Variants in TPTE2 observed in about 807,000 individuals in gnomAD.
The protein encoded by TPTE2 is transmembrane phosphoinositide 3-phosphatase and tensin homolog 2, also known as phosphatidylinositol 3,4,5-trisphosphate 3-phosphatase TPTE2.
Under a neutral mutation model 78.6 loss-of-function variants are expected in TPTE2, and 53 were observed. That is an observed-to-expected ratio of 0.67 (90% CI 0.54 to 0.85). The LOEUF (loss-of-function observed/expected upper bound fraction) is 0.85, where lower values mean the gene tolerates loss of function less well. Among genes scored for constraint, TPTE2 ranks in the 40% least tolerant of loss-of-function variants. The pLI, the probability that TPTE2 is intolerant of heterozygous loss-of-function variation, is 0.00. For synonymous variants in TPTE2, 175 were observed against 206.2 expected, an observed-to-expected ratio of 0.85 and a Z score of 1.30; for missense variants, 461 against 623.0, an observed-to-expected ratio of 0.74 and a Z score of 2.77.
At chr13:19,436,289 A>G in exon 15 of TPTE2, 3 of 1,613,234 alleles carry the variant, frequency 1.9e-6, no homozygotes, top group Non-Finnish European at 2.5e-6. Flanking sequence ...GCCTTTCTCC[A>G]AAATAATATA....
intron 1 of TPTE2, among the ~76,000 whole-genome samples, chr13:19,532,455 T>TC (rs1474246901): frequency 6.6e-6 from 1 of 152,154 alleles, no homozygotes; most frequent in Non-Finnish European, 1.5e-5. Context: ...GATGCAACAG[T>TC]CAAGATGCCA....
chr13:19,498,567 G>T (rs1299774775), intron 1 of TPTE2, among the ~76,000 whole-genome samples: 1 of 151,674 alleles, frequency 6.6e-6, no homozygotes, highest in Non-Finnish European at 1.5e-5. Context: ...AAGCGAAGGA[G>T]AAATAAAATA....
chr13:19,543,698 C>A, the TPTE2 span, among the ~76,000 whole-genome samples: 1 of 151,946 alleles, frequency 6.6e-6, no homozygotes, highest in African/African-American at 2.4e-5. Flanking sequence ...ATCAAGAATA[C>A]TATACAAATT....
chr13:19,460,612 T>C (rs1348389522), intron 10 of TPTE2, among the ~76,000 whole-genome samples: 1 of 152,126 alleles, frequency 6.6e-6, no homozygotes, highest in Non-Finnish European at 1.5e-5. Context: ...TCTCTAGTCA[T>C]GGGATGATGA....
chr13:19,496,407 G>A (rs567735763), intron 1 of TPTE2, among the ~76,000 whole-genome samples: 1 of 152,306 alleles, frequency 6.6e-6, no homozygotes, highest in South Asian at 2.1e-4. Context: ...ACTCTACTGT[G>A]TAGGCATTCC....
chr13:19,460,489 G>T (rs1025998208), intron 10 of TPTE2, among the ~76,000 whole-genome samples: 1 of 152,198 alleles, frequency 6.6e-6, no homozygotes, highest in Admixed American at 6.5e-5. Flanking sequence ...GACTGCAGCT[G>T]CTTCTAATTG....
intron 3 of TPTE2, among the ~76,000 whole-genome samples, chr13:19,492,020 C>T (rs1288919265): frequency 6.6e-6 from 1 of 152,128 alleles, no homozygotes; most frequent in Non-Finnish European, 1.5e-5. Flanking sequence ...AAACACAATC[C>T]TTTTATTCCT....
chr13:19,493,685 A>T, intron 1 of TPTE2, 184 bp from the exon 5 acceptor site: 1 of 667,010 alleles, frequency 1.5e-6, no homozygotes, highest in South Asian at 1.6e-5. Context: ...TATGACGACA[A>T]CCAAAATCTT....
At chr13:19,521,627 T>C (rs1161289083) in intron 1 of TPTE2, among the ~76,000 whole-genome samples, 1 of 152,084 alleles carries the variant, frequency 6.6e-6, no homozygotes, top group Non-Finnish European at 1.5e-5. Flanking sequence ...TTTTTATTTC[T>C]TTGTCATTTC....
At chr13:19,430,202 C>A (rs1593345115) in intron 17 of TPTE2, among the ~76,000 whole-genome samples, 1 of 152,198 alleles carries the variant, frequency 6.6e-6, no homozygotes. Flanking sequence ...TGGGAACATG[C>A]TCAGCATTTG....
chr13:19,545,458 T>G, the TPTE2 span, among the ~76,000 whole-genome samples: 1 of 152,192 alleles, frequency 6.6e-6, no homozygotes, highest in Non-Finnish European at 1.5e-5. Flanking sequence ...AGTTGTTGGA[T>G]TTATAAGAGA....
chr13:19,504,460 G>A (rs993666885), upstream of TPTE2, among the ~76,000 whole-genome samples: 3 of 151,968 alleles, frequency 2.0e-5, no homozygotes, highest in Non-Finnish European at 4.4e-5. Context: ...TAGAGCTCTG[G>A]GTGTGAGGAA....
At chr13:19,531,618 TA>T (rs1424823485) in intron 1 of TPTE2, among the ~76,000 whole-genome samples, 3 of 126,440 alleles carry the variant, frequency 2.4e-5, no homozygotes, top group Non-Finnish European at 5.2e-5. Context: ...ACATAACAAT[TA>T]GGTATTTAGT....
intron 1 of TPTE2, among the ~76,000 whole-genome samples, chr13:19,533,468 T>C (rs2137751167): frequency 6.6e-6 from 1 of 152,370 alleles, no homozygotes; most frequent in East Asian, 1.9e-4. Context: ...GAAGGTTATG[T>C]TAACTAAATC....
chr13:19,488,582 A>T (rs2137628991), intron 3 of TPTE2, among the ~76,000 whole-genome samples: 1 of 152,294 alleles, frequency 6.6e-6, no homozygotes, highest in South Asian at 2.1e-4. Context: ...CTTAAACCTC[A>T]TGAACCAAGC....
Position 19,527,679 on chromosome 13 carries a change from A to T in TPTE2, c.-44+8917T>A, listed in dbSNP as rs142694580. ...CACTTGAGCTCAAGAGTTCCAGACC[A>T]GCCTGGGCAACATGACAAAACCCAT... On this transcript the variant is annotated intron_variant, in intron 1 of 17. Coordinates refer to the TPTE2 transcript ENST00000390680. Among the ~76,000 whole-genome samples the T allele has an allele frequency of 6.7e-3, 1,018 of 152,264 alleles. 8 individuals carry two copies. The highest frequency in any genetic ancestry group is 0.022 in the African/African-American group (901 of 41,560).
At chr13:19,454,607 C>A (rs1878421655) in intron 10 of TPTE2, among the ~76,000 whole-genome samples, 1 of 152,112 alleles carries the variant, frequency 6.6e-6, no homozygotes, top group African/African-American at 2.4e-5. Context: ...CACATGATTA[C>A]CTCCTTTTGG....
chr13:19,505,170 T>C (rs550092607), upstream of TPTE2, among the ~76,000 whole-genome samples: 1 of 152,194 alleles, frequency 6.6e-6, no homozygotes, highest in Non-Finnish European at 1.5e-5. Flanking sequence ...TTAGGCGGAT[T>C]CTCACTCTCA....
intron 1 of TPTE2, among the ~76,000 whole-genome samples, chr13:19,534,362 G>A (rs573814289): frequency 1.5e-4 from 23 of 152,262 alleles, no homozygotes; most frequent in African/African-American, 3.9e-4. Flanking sequence ...GCCCCAGACC[G>A]TCTGTATATG....
Sources: gnomAD v4.1 joint callset for allele counts (sites outside exome capture counted in the v4.1 genomes callset) on GRCh38, gnomAD v4.1.1 for gene constraint, MANE v1.5 for transcripts, NCBI Gene and HGNC (gene_info 2026-07-23, HGNC 2026-07-21) for gene names.